Variants in DLGAP1 observed in about 807,000 individuals in gnomAD.
DLGAP1 encodes the protein disks large-associated protein 1.
Under a neutral mutation model 90.8 loss-of-function variants are expected in DLGAP1, and 11 were observed. The ratio of observed to expected loss-of-function variants is 0.12; its 90% CI spans 0.08 to 0.20. The LOEUF is 0.20. Ranked by LOEUF, DLGAP1 falls within the 10% of genes least tolerant of loss-of-function variation. The probability of loss-of-function intolerance (pLI) is 1.00; values close to 1 mark genes in which losing one functional copy is unlikely to be tolerated. For missense variants in DLGAP1, 1,050 were observed against 1,333.8 expected (o/e 0.79, Z 3.31); for synonymous variants, 558 against 540.7 (o/e 1.03, Z -0.44).
At chr18:3,692,665 CA>C (rs1462909966) in intron 7 of DLGAP1, among the ~76,000 whole-genome samples, 6 of 152,222 alleles carry the variant, frequency 3.9e-5, no homozygotes, top group African/African-American at 1.4e-4. Context: ...GCTAGCTACT[CA>C]GTACTTTAAA....
intron 1 of DLGAP1, among the ~76,000 whole-genome samples, chr18:4,265,955 T>C (rs1353019084): frequency 6.6e-6 from 1 of 151,896 alleles, no homozygotes; most frequent in African/African-American, 2.4e-5. Context: ...CCAGAAGTGC[T>C]AGGATTACAG....
chr18:3,895,161 C>T (rs1282110430), intron 3 of DLGAP1, among the ~76,000 whole-genome samples: 1 of 152,018 alleles, frequency 6.6e-6, no homozygotes, highest in African/African-American at 2.4e-5. Context: ...TCGAGCAGTG[C>T]GTGCTCCACC....
chr18:3,630,267 G>GT (rs1179344510), intron 7 of DLGAP1, among the ~76,000 whole-genome samples: 1 of 152,212 alleles, frequency 6.6e-6, no homozygotes, highest in Admixed American at 6.5e-5. Context: ...GACTGGTTAA[G>GT]TTGGGGCATC....
At position 3,498,327 on chromosome 18, in the gene DLGAP1, G is replaced by T. The variant is rs546765839; in HGVS notation, c.*858C>A. 2.6e-5 allele frequency: 4 copies of T among 152,200 alleles called. No individual in the cohort carries two copies. In the East Asian group the frequency reaches 7.7e-4, roughly 29 times the overall value. The allele number at this position is 152,200 out of a possible 1,614,324, so 9.4% of individuals were successfully genotyped here. A position where few individuals can be genotyped will look rare whatever the true frequency, so the allele number is the denominator to read the frequency against. ...AATAAGAGTTGAGAAAACATTTCAG[G>T]TCTAGATTTTCTTAATAATAGAACA... On this transcript the variant is annotated 3_prime_UTR_variant, in exon 13 of 13. Transcript: ENST00000315677.
intron 2 of DLGAP1, among the ~76,000 whole-genome samples, chr18:4,125,376 A>C (rs903777500): frequency 3.3e-5 from 5 of 152,190 alleles, no homozygotes; most frequent in Admixed American, 2.6e-4. Context: ...GCCTGAGCTG[A>C]GTCATAACAG....
intron 4 of DLGAP1, among the ~76,000 whole-genome samples, chr18:3,853,040 A>G (rs758021450): frequency 2.6e-5 from 4 of 152,024 alleles, no homozygotes; most frequent in Non-Finnish European, 5.9e-5. Flanking sequence ...TGTTGTTCTA[A>G]TTTCTAGAAG....
At position 3,775,110 on chromosome 18, in the gene DLGAP1, C is replaced by A. The variant is rs2064878779; in HGVS notation, c.1173-32598G>T. 6.6e-6 allele frequency among the ~76,000 whole-genome samples: 1 copy of A among 152,168 alleles called. No individual in the cohort carries two copies. Among genetic ancestry groups the A allele is most frequent in the African/African-American group, 2.4e-5 (1 of 41,440 alleles). On this transcript the variant is annotated intron_variant, in intron 5 of 12. Transcript: ENST00000315677. This position sits in a 1 kb window ranked among gnomAD's most constrained non-coding sequence, Gnocchi z 4.9. ...CAGGTCACTGTGTGTTCTTTAAGCCCATTGAACTCTCCTAAAAATCATTTA... is the reference window on the plus strand; with the variant it reads ...CAGGTCACTGTGTGTTCTTTAAGCCAATTGAACTCTCCTAAAAATCATTTA...
chr18:3,625,231 A>C (rs964878083), intron 7 of DLGAP1, among the ~76,000 whole-genome samples: 1 of 152,202 alleles, frequency 6.6e-6, no homozygotes, highest in Non-Finnish European at 1.5e-5. Flanking sequence ...AAGTTTTATC[A>C]GGTATGGATA....
intron 1 of DLGAP1, among the ~76,000 whole-genome samples, chr18:4,281,975 T>C (rs550083467): frequency 1.3e-5 from 2 of 152,350 alleles, no homozygotes; most frequent in African/African-American, 4.8e-5. Flanking sequence ...TTGTTACAAG[T>C]ACTTATAACT....
chr18:3,659,406 C>T (rs1016122621), intron 7 of DLGAP1, among the ~76,000 whole-genome samples: 4 of 136,736 alleles, frequency 2.9e-5, no homozygotes, highest in African/African-American at 1.2e-4. Context: ...CACACACACA[C>T]ACACACACAC....
chr18:4,019,908 T>G (rs1222912469), intron 2 of DLGAP1, among the ~76,000 whole-genome samples: 1 of 152,166 alleles, frequency 6.6e-6, no homozygotes, highest in South Asian at 2.1e-4. Context: ...AAAGGGCATA[T>G]AATTTTATAT....
rs1241689556 is a variant in DLGAP1 at position 3,910,071 on chromosome 18, G to A, written c.-72-29931C>T. On this transcript the variant is annotated intron_variant, in intron 3 of 12. Transcript: ENST00000315677. Reference sequence around the variant, plus strand: ...AGTCATCATTTGCCATTTTTTTCATGATTAAAAACTTTTACAAGTTAATAG... The same window carrying A: ...AGTCATCATTTGCCATTTTTTTCATAATTAAAAACTTTTACAAGTTAATAG... Among the ~76,000 whole-genome samples, 3 of 150,830 alleles carry A rather than the reference G, an allele frequency of 2.0e-5. No individual in the cohort carries two copies. In the Admixed American group the frequency reaches 2.0e-4, roughly 10 times the overall value.
Position 3,833,766 on chromosome 18 carries a change from T to A in DLGAP1, c.958-19493A>T, listed in dbSNP as rs924716124. 1.6e-4 allele frequency among the ~76,000 whole-genome samples: 24 copies of A among 152,340 alleles called. 1 individual carries two copies. Among genetic ancestry groups the A allele is most frequent in the Admixed American group, 1.3e-3 (20 of 15,310 alleles). On this transcript the variant is annotated intron_variant, in intron 4 of 12. Transcript: ENST00000315677. The stretch of plus-strand genomic sequence containing the variant: ...ACAAGGATACAATGATTTGTCTGAA[T>A]GATAAATTTACCTGAATAATTTATC...
chr18:3,952,152 G>A (rs984186102), intron 3 of DLGAP1, among the ~76,000 whole-genome samples: 4 of 152,210 alleles, frequency 2.6e-5, no homozygotes, highest in African/African-American at 7.2e-5. Context: ...AAAACTATGC[G>A]TAGGAGCATT....
chr18:3,947,246 A>G (rs1225769896), intron 3 of DLGAP1, among the ~76,000 whole-genome samples: 1 of 152,212 alleles, frequency 6.6e-6, no homozygotes, highest in East Asian at 1.9e-4. Context: ...TTATGTGTTC[A>G]AAGCACTGAG....
At chr18:4,340,138 TAAC>T (rs530134830) in intron 1 of DLGAP1, among the ~76,000 whole-genome samples, 89 of 152,306 alleles carry the variant, frequency 5.8e-4, no homozygotes, top group East Asian at 1.5e-3. Context: ...AATAAGATAT[TAAC>T]AACAATAACT....
intron 7 of DLGAP1, among the ~76,000 whole-genome samples, chr18:3,599,850 C>G (rs2056798750): frequency 6.6e-6 from 1 of 151,976 alleles, no homozygotes; most frequent in African/African-American, 2.4e-5. Flanking sequence ...ATCTCTTGAC[C>G]TTGTGATCCG....
intron 1 of DLGAP1, among the ~76,000 whole-genome samples, chr18:4,197,305 A>G (rs2077519750): frequency 6.6e-6 from 1 of 152,170 alleles, no homozygotes; most frequent in Non-Finnish European, 1.5e-5. Context: ...GGAAATATAA[A>G]GAATCTGATC....
At chr18:4,217,463 C>G (rs2077981732) in intron 1 of DLGAP1, among the ~76,000 whole-genome samples, 1 of 151,992 alleles carries the variant, frequency 6.6e-6, no homozygotes, top group Admixed American at 6.6e-5. Flanking sequence ...AGTGGCTGTA[C>G]CATTTCACAT....
Sources: allele counts gnomAD v4.1 joint callset (sites outside exome capture counted in the v4.1 genomes callset), GRCh38; gene constraint gnomAD v4.1.1; non-coding constraint Gnocchi (gnomAD v3.1); transcripts MANE v1.5; gene names NCBI Gene and HGNC (gene_info 2026-07-23, HGNC 2026-07-21).